The following LGSN variants were observed in gnomAD, a reference collection of about 807,000 sequenced individuals.
The protein encoded by LGSN is lengsin.
LGSN carries 21 observed loss-of-function variants against 19.5 expected under a neutral mutation model. The observed-to-expected ratio is 1.07, with a 90% CI of 0.76 to 1.55. The LOEUF is 1.55. LGSN is among the 40% of genes most tolerant of loss of function. The pLI, the probability that LGSN is intolerant of heterozygous loss-of-function variation, is 0.00. For missense variants in LGSN, 673 were observed against 608.5 expected, an observed-to-expected ratio of 1.11 and a Z score of -1.12; for synonymous variants, 257 against 215.6, an observed-to-expected ratio of 1.19 and a Z score of -1.68.
At chr6:63,458,664 C>T in the LGSN span, among the ~76,000 whole-genome samples, 3 of 152,154 alleles carry the variant, frequency 2.0e-5, no homozygotes, top group Non-Finnish European at 4.4e-5. Context: ...AAAGATTAGA[C>T]TGGGTTCTCG....
the LGSN span, among the ~76,000 whole-genome samples, chr6:63,484,118 C>G: frequency 6.6e-6 from 1 of 152,154 alleles, no homozygotes; most frequent in Non-Finnish European, 1.5e-5. Context: ...GGCACCACTG[C>G]ACTCCAGCCT....
At chr6:63,412,755 GAA>G in the LGSN span, among the ~76,000 whole-genome samples, 5 of 52,542 alleles carry the variant, frequency 9.5e-5, 1 homozygote, top group African/African-American at 7.1e-4. Context: ...AAGAAAGAAA[GAA>G]AGAAAGAAAG....
At chr6:63,536,025 G>A in the LGSN span, among the ~76,000 whole-genome samples, 4 of 149,140 alleles carry the variant, frequency 2.7e-5, no homozygotes, top group East Asian at 2.2e-4. Flanking sequence ...CACCCACCTC[G>A]GCCTCCCAAA....
At chr6:63,481,877 T>A in the LGSN span, 4 of 234,810 alleles carry the variant, frequency 1.7e-5, no homozygotes, top group Middle Eastern at 2.1e-3. Flanking sequence ...TTCAACAAGA[T>A]CTTAAATCCA....
At chr6:63,291,313 G>A (rs1437125438) in intron 2 of LGSN, among the ~76,000 whole-genome samples, 1 of 152,122 alleles carries the variant, frequency 6.6e-6, no homozygotes, top group East Asian at 1.9e-4. Flanking sequence ...TAGGTACCTG[G>A]CTCCTTGTCC....
the LGSN span, among the ~76,000 whole-genome samples, chr6:63,462,796 C>A: frequency 6.6e-6 from 1 of 151,090 alleles, no homozygotes; most frequent in Non-Finnish European, 1.5e-5. Context: ...CTTGCTTCGT[C>A]TACATAATCC....
chr6:63,308,397 TA>T (rs1166420374), intron 1 of LGSN, among the ~76,000 whole-genome samples: 1 of 152,156 alleles, frequency 6.6e-6, no homozygotes, highest in Non-Finnish European at 1.5e-5. Flanking sequence ...TATGGTTTAA[TA>T]TAAGTTTATC....
At chr6:63,354,177 C>T in the LGSN span, among the ~76,000 whole-genome samples, 1 of 151,968 alleles carries the variant, frequency 6.6e-6, no homozygotes, top group Non-Finnish European at 1.5e-5. Flanking sequence ...TTCTGCACAA[C>T]AAAGAAAACC....
chr6:63,405,370 G>A, the LGSN span, among the ~76,000 whole-genome samples: 37 of 152,284 alleles, frequency 2.4e-4, no homozygotes, highest in South Asian at 6.8e-3. Flanking sequence ...AGATCCCTGA[G>A]GAATTGCCAC....
chr6:63,444,231 A>T, the LGSN span, among the ~76,000 whole-genome samples: 3 of 152,252 alleles, frequency 2.0e-5, no homozygotes, highest in South Asian at 6.2e-4. Flanking sequence ...CAAAAAAAAA[A>T]TAGATATGGA....
At chr6:63,435,736 C>A in the LGSN span, among the ~76,000 whole-genome samples, 1 of 151,852 alleles carries the variant, frequency 6.6e-6, no homozygotes, top group Non-Finnish European at 1.5e-5. Flanking sequence ...TAGTGGGTCG[C>A]ACTCAGTATC....
At chr6:63,569,228 A>C in the LGSN span, among the ~76,000 whole-genome samples, 1 of 152,146 alleles carries the variant, frequency 6.6e-6, no homozygotes, top group African/African-American at 2.4e-5. Context: ...TGCCTTCTGC[A>C]GTCTTTCCTC....
the LGSN span, among the ~76,000 whole-genome samples, chr6:63,422,137 C>A: frequency 6.6e-6 from 1 of 152,138 alleles, no homozygotes; most frequent in Non-Finnish European, 1.5e-5. Flanking sequence ...GATCTCAGCT[C>A]ACTGCAACCT....
intron 1 of LGSN, among the ~76,000 whole-genome samples, chr6:63,315,618 CTGTGTG>C (rs10601946): frequency 0.018 from 2,520 of 138,108 alleles, 73 homozygotes; most frequent in East Asian, 0.096. Context: ...CTCTCTCTCT[CTGTGTG>C]TGTGTGTGTG....
At chr6:63,316,633 G>C (rs544640730) in intron 1 of LGSN, among the ~76,000 whole-genome samples, 1 of 152,076 alleles carries the variant, frequency 6.6e-6, no homozygotes, top group Admixed American at 6.6e-5. Flanking sequence ...AATTAAGATC[G>C]TATGGCTAAA....
the LGSN span, among the ~76,000 whole-genome samples, chr6:63,522,195 T>C: frequency 1.3e-5 from 2 of 152,232 alleles, no homozygotes; most frequent in Non-Finnish European, 2.9e-5. Flanking sequence ...TGGAATGTCA[T>C]ATTCCTTTTT....
chr6:63,491,270 T>C, the LGSN span, among the ~76,000 whole-genome samples: 1 of 152,192 alleles, frequency 6.6e-6, no homozygotes. Flanking sequence ...GTGTGCTCCC[T>C]GCCCTACAGC....
the LGSN span, among the ~76,000 whole-genome samples, chr6:63,520,940 G>C: frequency 3.3e-5 from 5 of 152,118 alleles, no homozygotes; most frequent in Non-Finnish European, 1.5e-5. Flanking sequence ...GCAGGGACAT[G>C]GATGAAGCTA....
chr6:63,420,428 A>T, the LGSN span, among the ~76,000 whole-genome samples: 1 of 152,200 alleles, frequency 6.6e-6, no homozygotes, highest in Non-Finnish European at 1.5e-5. Flanking sequence ...ATACCAACAC[A>T]GAAAGTGATT....
Sources: gnomAD v4.1 joint callset for allele counts (sites outside exome capture counted in the v4.1 genomes callset) on GRCh38, gnomAD v4.1.1 for gene constraint, MANE v1.5 for transcripts, NCBI Gene and HGNC (gene_info 2026-07-23, HGNC 2026-07-21) for gene names.